RFTN1: variants seen among roughly 807,000 people sequenced by gnomAD.
RFTN1 encodes raftlin.
In RFTN1, 26 loss-of-function variants were observed where a neutral mutation model predicts 46.5. The observed-to-expected ratio is 0.56, with a 90% confidence interval of 0.41 to 0.78. RFTN1 has a LOEUF of 0.78. Among genes scored for constraint, RFTN1 ranks in the 30% least tolerant of loss-of-function variants. The pLI is 0.00. For synonymous variants in RFTN1, 261 were observed against 284.2 expected, an observed-to-expected ratio of 0.92 and a Z score of 0.82; for missense variants, 693 against 718.7, an observed-to-expected ratio of 0.96 and a Z score of 0.41.
At chr3:16,354,350 C>T (rs2072289602) in intron 7 of RFTN1, among the ~76,000 whole-genome samples, 1 of 152,232 alleles carries the variant, frequency 6.6e-6, no homozygotes, top group Non-Finnish European at 1.5e-5. Context: ...CAAGGAGTTA[C>T]AGTCTTCCCA....
rs1307738297 is a variant in RFTN1 at position 16,316,792 on chromosome 3, G to T, written c.*36C>A. 6.2e-7 allele frequency: 1 copy of T among 1,611,956 alleles called. No homozygotes were observed. Among genetic ancestry groups the T allele is most frequent in the South Asian group, 1.1e-5 (1 of 90,822 alleles). The stretch of plus-strand genomic sequence containing the variant: ...CTGTTGGTAAGATGCCTTGGGTTTG[G>T]CAACTCACCTAGTTTTAGCACAAAT... On this transcript the variant is annotated 3_prime_UTR_variant, in exon 10 of 10. Coordinates refer to ENST00000334133, the MANE Select transcript of RFTN1 (RefSeq NM_015150.2). The surrounding 1 kb of genome is among the most constrained non-coding windows in gnomAD (Gnocchi z 4.5).
rs183061544 is a variant in RFTN1, at chr3:16,450,147, G to C, written c.146-16110C>G. Among the ~76,000 whole-genome samples the C allele has an allele frequency of 6.6e-6, 1 of 152,174 alleles. No individual in the cohort carries two copies. The highest frequency in any genetic ancestry group is 2.4e-5 in the African/African-American group (1 of 41,430). ...AAACAGAAAATATTTCTCTGAAAGA[G>C]TCATAAAATGTCAGCTTCTCCACTT... On this transcript the variant is annotated intron_variant, in intron 2 of 9. Coordinates refer to ENST00000334133, the MANE Select transcript of RFTN1 (RefSeq NM_015150.2). This position sits in a 1 kb window ranked among gnomAD's most constrained non-coding sequence, Gnocchi z 4.6.
chr3:16,346,859 GA>G lies in RFTN1; in HGVS notation c.1146+11072del. 6.6e-6 allele frequency among the ~76,000 whole-genome samples: 1 copy of G among 152,296 alleles called. No homozygotes were observed. Among genetic ancestry groups the G allele is most frequent in the Non-Finnish European group, 1.5e-5 (1 of 68,020 alleles). On this transcript the variant is annotated intron_variant, in intron 7 of 9. Transcript: ENST00000334133. This position sits in a 1 kb window ranked among gnomAD's most constrained non-coding sequence, Gnocchi z 4.4. ...TGCAGACAGGCTGAGGATGAGTACA[GA>G]AAGATGGCAACATCTGGATCCCTGG...
chr3:16,454,813 A>C, intron 2 of RFTN1: 6 of 984,816 alleles, frequency 6.1e-6, no homozygotes, highest in Non-Finnish European at 7.2e-6. Context: ...CAGGGAAGGC[A>C]GGGACTTTGT....
chr3:16,506,082 G>GA lies in RFTN1; in HGVS notation c.-9+7359dup, dbSNP rs200340827. Among the ~76,000 whole-genome samples, 559 of 152,202 alleles carry GA rather than the reference G, an allele frequency of 3.7e-3. 6 individuals are homozygous for GA. Among genetic ancestry groups the GA allele is most frequent in the African/African-American group, 0.012 (508 of 41,498 alleles). ...TCCCATTTTTAAAGTATGCCAACTA[G>GA]AAAACAACAATGCAGGGGGGAGGGA... On this transcript the variant is annotated intron_variant, in intron 1 of 9. Coordinates refer to ENST00000334133, the MANE Select transcript of RFTN1 (RefSeq NM_015150.2). The surrounding 1 kb of genome is among the most constrained non-coding windows in gnomAD (Gnocchi z 4.8).
intron 3 of RFTN1, among the ~76,000 whole-genome samples, chr3:16,414,712 T>C (rs1456924529): frequency 6.6e-6 from 1 of 151,760 alleles, no homozygotes; most frequent in Non-Finnish European, 1.5e-5. Context: ...GTGGTCAGGA[T>C]AGCTGCACTG....
rs895033519 is a variant in RFTN1, at chr3:16,342,606, T to A, written c.1146+15326A>T. 6.6e-6 allele frequency among the ~76,000 whole-genome samples: 1 copy of A among 152,196 alleles called. No individual in the cohort carries two copies. The highest frequency in any genetic ancestry group is 2.4e-5 in the African/African-American group (1 of 41,434). ...AACATTTTGGGAAAGTGTCCATGGA[T>A]CACTTTTATAAAAATAAAAAAAGTT... is the stretch of plus-strand genomic sequence containing the variant. On this transcript the variant is annotated intron_variant, in intron 7 of 9. Transcript: ENST00000334133. This position sits in a 1 kb window ranked among gnomAD's most constrained non-coding sequence, Gnocchi z 4.0.
At chr3:16,462,493 G>T (rs2076022394) in intron 2 of RFTN1, among the ~76,000 whole-genome samples, 1 of 152,214 alleles carries the variant, frequency 6.6e-6, no homozygotes, top group Admixed American at 6.5e-5. Flanking sequence ...CCTTATAACA[G>T]ACAGGCACAG....
intron 6 of RFTN1, among the ~76,000 whole-genome samples, chr3:16,363,194 G>T (rs1037529905): frequency 5.3e-5 from 8 of 152,160 alleles, no homozygotes; most frequent in Non-Finnish European, 8.8e-5. Context: ...TTAAAGAGTC[G>T]CTTGTTTTGA....
chr3:16,493,886 C>G lies in RFTN1; in HGVS notation c.-8-9G>C, dbSNP rs755857263. On this transcript the variant is annotated splice_polypyrimidine_tract_variant and intron_variant, in intron 1 of 9. Coordinates refer to ENST00000334133, the MANE Select transcript of RFTN1 (RefSeq NM_015150.2). Reference sequence around the variant, plus strand: ...GCAACCCATTTCAGCAGCTGCTGGCCAAAGGAAAAAGGCGGGGAGGTGATT... The same window carrying G: ...GCAACCCATTTCAGCAGCTGCTGGCGAAAGGAAAAAGGCGGGGAGGTGATT... 5.6e-6 allele frequency: 9 copies of G among 1,613,526 alleles called. No individual in the cohort carries two copies. Among genetic ancestry groups the G allele is most frequent in the Non-Finnish European group, 7.6e-6 (9 of 1,179,786 alleles).
rs1023433048 is a variant in RFTN1 at position 16,316,598 on chromosome 3, C to G, written c.*230G>C. The G allele has an allele frequency of 9.9e-6, 6 of 606,284 alleles. No homozygotes were observed. The African/African-American group carries it at 1.1e-4, about 11-fold the overall frequency. The allele number at this position is 606,284 out of a possible 1,614,324, so 37.6% of individuals were successfully genotyped here. ...CATGAGGGCTAGAATAACCTGACCT[C>G]TTGCATTCTAACACTGGGTCATTAA... is the stretch of plus-strand genomic sequence containing the variant. On this transcript the variant is annotated 3_prime_UTR_variant, in exon 10 of 10. Transcript: ENST00000334133. The surrounding 1 kb of genome is among the most constrained non-coding windows in gnomAD (Gnocchi z 4.5).
chr3:16,432,684 AAGAG>A (rs956491124), intron 3 of RFTN1, among the ~76,000 whole-genome samples: 19 of 152,136 alleles, frequency 1.2e-4, no homozygotes, highest in African/African-American at 4.6e-4. Flanking sequence ...AGAAAAAAAA[AAGAG>A]AGAGAGAGAG....
At chr3:16,373,617 C>T (rs2073616332) in intron 5 of RFTN1, among the ~76,000 whole-genome samples, 1 of 152,166 alleles carries the variant, frequency 6.6e-6, no homozygotes, top group South Asian at 2.1e-4. Context: ...CTGGCTGGGC[C>T]CTGCTGTCCC....
At chr3:16,363,458 G>C (rs565456346) in intron 6 of RFTN1, among the ~76,000 whole-genome samples, 2 of 152,192 alleles carry the variant, frequency 1.3e-5, no homozygotes, top group South Asian at 4.1e-4. Context: ...TTGGCAAAAG[G>C]CCACCTTAAT....
rs1445288356 is a variant in RFTN1 at position 16,484,798 on chromosome 3, G to A, written c.145+8927C>T. The A allele has an allele frequency of 6.6e-6, 1 of 152,222 alleles. No homozygotes were observed. The highest frequency in any genetic ancestry group is 2.4e-5 in the African/African-American group (1 of 41,450). 9.4% of individuals were successfully genotyped at this position (152,222 alleles called of 1,614,324 possible). On this transcript the variant is annotated intron_variant, in intron 2 of 9. Coordinates refer to ENST00000334133, the MANE Select transcript of RFTN1 (RefSeq NM_015150.2). This position sits in a 1 kb window ranked among gnomAD's most constrained non-coding sequence, Gnocchi z 4.6. ...GTAAAACTACAAGATATCCTGCAAA[G>A]CTCCAAGTGCTTGGTGGCCTAGCAA...
At chr3:16,394,073 A>G (rs1027293753) in intron 4 of RFTN1, among the ~76,000 whole-genome samples, 4 of 152,146 alleles carry the variant, frequency 2.6e-5, no homozygotes, top group Non-Finnish European at 4.4e-5. Flanking sequence ...GGCTTTTAAA[A>G]AAGCAATGCA....
intron 6 of RFTN1, among the ~76,000 whole-genome samples, chr3:16,365,081 G>A (rs1159074504): frequency 3.9e-5 from 6 of 152,306 alleles, no homozygotes; most frequent in African/African-American, 1.4e-4. Context: ...TGCATTTAAT[G>A]GCATACGTGC....
rs1028106595 is a variant in RFTN1, at chr3:16,422,617, G to A, written c.332+11234C>T. On this transcript the variant is annotated intron_variant, in intron 3 of 9. Transcript: ENST00000334133. The surrounding 1 kb of genome is among the most constrained non-coding windows in gnomAD (Gnocchi z 4.6). ...CTGCACTCCAGCCTGGTGACAAAGC[G>A]AGACTCCGTCTAAAAAAAAAAAAGA... Among the ~76,000 whole-genome samples, 9 of 150,528 alleles carry A rather than the reference G, an allele frequency of 6.0e-5. No individual in the cohort carries two copies. Among genetic ancestry groups the A allele is most frequent in the South Asian group, 2.1e-4 (1 of 4,762 alleles).
chr3:16,405,494 G>A (rs552754705), intron 4 of RFTN1, among the ~76,000 whole-genome samples: 1 of 152,248 alleles, frequency 6.6e-6, no homozygotes, highest in Admixed American at 6.5e-5. Flanking sequence ...ACACCAAAAG[G>A]AATGGAGTCA....
Sources: allele counts gnomAD v4.1 joint callset (sites outside exome capture counted in the v4.1 genomes callset), GRCh38; gene constraint gnomAD v4.1.1; non-coding constraint Gnocchi (gnomAD v3.1); transcripts MANE v1.5; gene names NCBI Gene and HGNC (gene_info 2026-07-23, HGNC 2026-07-21).